LANCL2: variants seen among roughly 807,000 people sequenced by gnomAD.
LANCL2 encodes the protein lanC-like protein 2.
In LANCL2, 33 loss-of-function variants were observed where a neutral mutation model predicts 56.9. The ratio of observed to expected loss-of-function variants is 0.58; its 90% CI spans 0.44 to 0.78. The LOEUF (loss-of-function observed/expected upper bound fraction) is 0.78. Ranked by LOEUF, LANCL2 falls within the 30% of genes least tolerant of loss-of-function variation. LANCL2 has a pLI of 0.00. For missense variants in LANCL2, 562 were observed against 580.2 expected (o/e 0.97, Z 0.32); for synonymous variants, 233 against 228.2 (o/e 1.02, Z -0.19).
chr7:55,382,776 T>C (rs1790083671), intron 1 of LANCL2, among the ~76,000 whole-genome samples: 2 of 152,168 alleles, frequency 1.3e-5, no homozygotes, highest in South Asian at 4.1e-4. Context: ...TTTACAGTAG[T>C]GATGTTATCC....
chr7:55,399,988 C>T lies in LANCL2; in HGVS notation c.562C>T (p.Gln188Ter). The change falls in exon 4 of 9, where the codon CAA becomes TAA. Residue 188 changes from glutamine to a stop codon, truncating the protein, a stop_gained. Coordinates refer to ENST00000254770, the MANE Select transcript of LANCL2 (RefSeq NM_018697.4). LOFTEE classifies it high-confidence loss of function. ...GCAGCTCCAGAGATCGGTTGTCTGC[C>T]AAGAATCAGACCTTCCTGATGAGCT... ...LLQLQRSVVC[Q>*]ESDLPDELLY... The T allele has an allele frequency of 6.2e-7, 1 of 1,613,162 alleles. No individual in the cohort carries two copies. The highest frequency in any genetic ancestry group is 8.5e-7 in the Non-Finnish European group (1 of 1,179,372).
intron 7 of LANCL2, among the ~76,000 whole-genome samples, chr7:55,426,271 T>C (rs188509503): frequency 2.0e-5 from 3 of 152,266 alleles, no homozygotes; most frequent in East Asian, 3.9e-4. Flanking sequence ...TAGCACCGAG[T>C]AGAAACTCAG....
chr7:55,431,518 C>T lies in LANCL2; in HGVS notation c.*198C>T. 3 of 536,024 alleles carry T rather than the reference C, an allele frequency of 5.6e-6. No individual in the cohort carries two copies. In the Admixed American group the frequency reaches 1.1e-4, roughly 19 times the overall value. 33.2% of individuals were successfully genotyped at this position (536,024 alleles called of 1,614,324 possible). On this transcript the variant is annotated 3_prime_UTR_variant, in exon 9 of 9. Coordinates refer to ENST00000254770, the MANE Select transcript of LANCL2 (RefSeq NM_018697.4). ...CCCTCATCAATATAAAATATGACTT[C>T]TTCACATACAGATTCTCTGTAGTGT...
At chr7:55,418,187 T>G (rs1790566750) in intron 6 of LANCL2, among the ~76,000 whole-genome samples, 1 of 110,210 alleles carries the variant, frequency 9.1e-6, no homozygotes, top group African/African-American at 3.0e-5. Flanking sequence ...ACAATTGCGT[T>G]TTTTTTTTTG....
At chr7:55,398,318 A>G in intron 2 of LANCL2, 105 bp from the exon 3 acceptor site, 2 of 821,870 alleles carry the variant, frequency 2.4e-6, no homozygotes, top group Non-Finnish European at 4.0e-6. Flanking sequence ...GTTTGGAAAC[A>G]TAGATTTATG....
At chr7:55,420,392 T>G (rs1458377942) in intron 6 of LANCL2, among the ~76,000 whole-genome samples, 1 of 152,260 alleles carries the variant, frequency 6.6e-6, no homozygotes, top group East Asian at 1.9e-4. Context: ...GATTTCTGAT[T>G]TAATTCCATT....
At chr7:55,385,919 C>T (rs534692720) in intron 1 of LANCL2, among the ~76,000 whole-genome samples, 154 of 152,248 alleles carry the variant, frequency 1.0e-3, no homozygotes, top group Non-Finnish European at 2.0e-3. Context: ...CCCCTAGGTG[C>T]GCATTCTCTT....
In LANCL2 at chr7:55,365,958, G is replaced by GCGGCGGGGCGAGCTGCAGCGC; in HGVS notation, c.-64_-44dup. On this transcript the variant is annotated 5_prime_UTR_variant, in exon 1 of 9. Transcript: ENST00000254770. ...TCTGCGCGGGCCCTCGGAGGAGGCGGCGGCGGGGCGAGCTGCAGCGCCGGG... is the reference window on the plus strand; with the variant it reads ...TCTGCGCGGGCCCTCGGAGGAGGCGGCGGCGGGGCGAGCTGCAGCGCCGGCGGGGCGAGCTGCAGCGCCGGG... 1 of 1,253,348 alleles carries GCGGCGGGGCGAGCTGCAGCGC rather than the reference G, an allele frequency of 8.0e-7. No individual in the cohort carries two copies. The highest frequency in any genetic ancestry group is 3.8e-5 in the Admixed American group (1 of 26,450). 77.6% of individuals were successfully genotyped at this position (1,253,348 alleles called of 1,614,324 possible). A position where few individuals can be genotyped will look rare whatever the true frequency, so the allele number is the denominator to read the frequency against.
chr7:55,430,441 A>C (rs759392901), intron 8 of LANCL2, among the ~76,000 whole-genome samples: 4 of 152,218 alleles, frequency 2.6e-5, no homozygotes, highest in Non-Finnish European at 5.9e-5. Context: ...GACCAAGACC[A>C]GGCTGCTGGT....
At chr7:55,399,678 T>G (rs2128993599) in intron 3 of LANCL2, among the ~76,000 whole-genome samples, 1 of 152,306 alleles carries the variant, frequency 6.6e-6, no homozygotes, top group East Asian at 1.9e-4. Context: ...TAAATCACTT[T>G]CTTTTACTTC....
chr7:55,376,586 C>T (rs934268121), intron 1 of LANCL2, among the ~76,000 whole-genome samples: 1 of 152,256 alleles, frequency 6.6e-6, no homozygotes, highest in African/African-American at 2.4e-5. Context: ...CAGCTACACA[C>T]TTGCCTGCCT....
At chr7:55,372,520 T>C (rs1228219557) in intron 1 of LANCL2, among the ~76,000 whole-genome samples, 2 of 152,246 alleles carry the variant, frequency 1.3e-5, no homozygotes, top group Non-Finnish European at 2.9e-5. Flanking sequence ...AGATGTAATA[T>C]AACCACCCCC....
chr7:55,402,134 C>G (rs1178412013), intron 5 of LANCL2, among the ~76,000 whole-genome samples: 13 of 145,870 alleles, frequency 8.9e-5, no homozygotes, highest in African/African-American at 5.1e-5. Flanking sequence ...AGAGGCGCCC[C>G]TCACCTCCCG....
chr7:55,417,620 A>G (rs981384320), intron 6 of LANCL2, among the ~76,000 whole-genome samples: 7 of 152,192 alleles, frequency 4.6e-5, no homozygotes, highest in African/African-American at 9.7e-5. Context: ...AATGGAGCCT[A>G]TTGGAGTTAT....
At chr7:55,372,921 A>G (rs1464301437) in intron 1 of LANCL2, among the ~76,000 whole-genome samples, 2 of 152,160 alleles carry the variant, frequency 1.3e-5, no homozygotes, top group East Asian at 3.8e-4. Flanking sequence ...TCTTCCTCTC[A>G]TCATCTCTGA....
intron 5 of LANCL2, among the ~76,000 whole-genome samples, chr7:55,410,975 T>A (rs1013854258): frequency 6.6e-6 from 1 of 152,184 alleles, no homozygotes; most frequent in Non-Finnish European, 1.5e-5. Flanking sequence ...TGAGATGTTG[T>A]GTGATGTTAA....
Position 55,425,399 on chromosome 7 carries a change from A to G in LANCL2, c.1154A>G (p.Gln385Arg). The change falls in exon 7 of 9, where the codon CAG becomes CGG. Residue 385 changes from glutamine to arginine, a missense_variant. Gln to Arg is a conservative substitution (Grantham distance 43). Transcript: ENST00000254770. ...YSFLSLYRLTQDKKYLYRACK... is the reference protein window; with the variant it reads ...YSFLSLYRLTRDKKYLYRACK... ...TTCCTGTCCCTTTACCGTCTCACGCAGGATAAGAAGTACCTCTACCGAGCT... is the reference window on the plus strand; with the variant it reads ...TTCCTGTCCCTTTACCGTCTCACGCGGGATAAGAAGTACCTCTACCGAGCT... 6.2e-7 allele frequency: 1 copy of G among 1,614,134 alleles called. No individual in the cohort carries two copies. Among genetic ancestry groups the G allele is most frequent in the Non-Finnish European group, 8.5e-7 (1 of 1,180,010 alleles).
intron 8 of LANCL2, among the ~76,000 whole-genome samples, chr7:55,429,159 C>T (rs959639573): frequency 4.6e-5 from 7 of 152,212 alleles, no homozygotes; most frequent in African/African-American, 1.7e-4. Context: ...GTTTTGGTAT[C>T]AGGGTCATAC....
chr7:55,372,761 G>GA (rs900993749), intron 1 of LANCL2, among the ~76,000 whole-genome samples: 6 of 152,030 alleles, frequency 3.9e-5, no homozygotes, highest in East Asian at 3.9e-4. Flanking sequence ...GTGGAATACA[G>GA]AAAAAAAACC....
Sources: gnomAD v4.1 joint callset for allele counts (sites outside exome capture counted in the v4.1 genomes callset) on GRCh38, gnomAD v4.1.1 for gene constraint, MANE v1.5 for transcripts, NCBI Gene and HGNC (gene_info 2026-07-23, HGNC 2026-07-21) for gene names.